SMYD3: variants seen among roughly 807,000 people sequenced by gnomAD.
SMYD3 encodes the protein histone-lysine N-methyltransferase SMYD3.
SMYD3 carries 36 observed loss-of-function variants against 57.7 expected under a neutral mutation model. That is an observed-to-expected ratio of 0.62 (90% CI 0.48 to 0.82). SMYD3 has a LOEUF of 0.82. Among genes scored for constraint, SMYD3 ranks in the 40% least tolerant of loss-of-function variants. The pLI, the probability that SMYD3 is intolerant of heterozygous loss-of-function variation, is 0.00. For missense variants in SMYD3, 515 were observed against 538.8 expected (o/e 0.96, Z 0.44); for synonymous variants, 211 against 195.0 (o/e 1.08, Z -0.68).
At chr1:246,155,329 C>G (rs2062006081) in intron 5 of SMYD3, among the ~76,000 whole-genome samples, 1 of 152,194 alleles carries the variant, frequency 6.6e-6, no homozygotes, top group African/African-American at 2.4e-5. Flanking sequence ...TTTCAGGACA[C>G]AGCCAAGAGA....
intron 2 of SMYD3, among the ~76,000 whole-genome samples, chr1:246,345,280 T>C (rs1285861925): frequency 2.6e-5 from 4 of 152,240 alleles, no homozygotes; most frequent in South Asian, 2.1e-4. Flanking sequence ...TTATTTTCCA[T>C]GTGCATATTA....
chr1:245,908,359 A>G (rs1404032007), intron 8 of SMYD3, among the ~76,000 whole-genome samples: 1 of 152,236 alleles, frequency 6.6e-6, no homozygotes, highest in Non-Finnish European at 1.5e-5. Flanking sequence ...CAAGACAAAT[A>G]TTATTAGGGC....
At chr1:246,292,852 T>C (rs1381385886) in intron 5 of SMYD3, among the ~76,000 whole-genome samples, 1 of 151,894 alleles carries the variant, frequency 6.6e-6, no homozygotes, top group Non-Finnish European at 1.5e-5. Context: ...TGGCAGACAC[T>C]GAAAAAACAT....
At chr1:246,500,250 C>CT (rs1232316840) in intron 1 of SMYD3, among the ~76,000 whole-genome samples, 1 of 152,210 alleles carries the variant, frequency 6.6e-6, no homozygotes, top group Non-Finnish European at 1.5e-5. Context: ...GGTATTTAGC[C>CT]TTTTTGGCTT....
chr1:246,352,273 T>C (rs4654243), intron 2 of SMYD3, among the ~76,000 whole-genome samples: 151,579 of 152,168 alleles, frequency 1, 75,497 homozygotes, highest in Middle Eastern at 1. Context: ...CTTGATGCCA[T>C]GGTCCCACAC....
intron 5 of SMYD3, among the ~76,000 whole-genome samples, chr1:246,205,450 G>A (rs1349953918): frequency 6.6e-6 from 1 of 152,166 alleles, no homozygotes; most frequent in Non-Finnish European, 1.5e-5. Flanking sequence ...CACAATATGA[G>A]GGACAGTGTT....
At chr1:246,247,503 C>CATATATATATATAT (rs150218563) in intron 5 of SMYD3, among the ~76,000 whole-genome samples, 9 of 144,184 alleles carry the variant, frequency 6.2e-5, no homozygotes, top group African/African-American at 1.8e-4. Context: ...ACATGGGACT[C>CATATATATATATAT]ATATATATAT....
chr1:246,171,220 A>T (rs1331011487), intron 5 of SMYD3, among the ~76,000 whole-genome samples: 1 of 152,220 alleles, frequency 6.6e-6, no homozygotes, highest in Non-Finnish European at 1.5e-5. Context: ...AGATAACTGA[A>T]AAAAAGGTAT....
chr1:246,226,362 T>C (rs1279579129), intron 5 of SMYD3, among the ~76,000 whole-genome samples: 3 of 152,198 alleles, frequency 2.0e-5, no homozygotes, highest in Non-Finnish European at 1.5e-5. Flanking sequence ...TAAATTTACA[T>C]AAAGACAAGT....
Position 246,345,930 on chromosome 1 carries a change from C to T in SMYD3, c.228+9101G>A, listed in dbSNP as rs184244585. On this transcript the variant is annotated intron_variant, in intron 2 of 11. Coordinates refer to ENST00000490107, the MANE Select transcript of SMYD3 (RefSeq NM_001167740.2). ...AACTAGCCAATCCTAAACTGAGAAA[C>T]ACCTATGAATGCCACAGTCCAGGGA... Among the ~76,000 whole-genome samples the T allele has an allele frequency of 4.6e-5, 7 of 152,278 alleles. No homozygotes were observed. The East Asian group carries it at 1.4e-3, about 29-fold the overall frequency.
chr1:245,862,365 A>T (rs576370718), intron 9 of SMYD3, among the ~76,000 whole-genome samples: 1 of 151,988 alleles, frequency 6.6e-6, no homozygotes, highest in Non-Finnish European at 1.5e-5. Context: ...AAAGCCCTAA[A>T]TTTTTTTCAC....
chr1:246,190,999 G>A (rs960692395), intron 5 of SMYD3, among the ~76,000 whole-genome samples: 3 of 152,214 alleles, frequency 2.0e-5, no homozygotes, highest in African/African-American at 4.8e-5. Flanking sequence ...GGCTGACACC[G>A]GGTTCAAGAC....
At chr1:245,862,833 G>A (rs979220055) in intron 9 of SMYD3, among the ~76,000 whole-genome samples, 24 of 152,172 alleles carry the variant, frequency 1.6e-4, no homozygotes, top group African/African-American at 5.5e-4. Context: ...GAGAAACCAG[G>A]CAGCACTGTG....
intron 10 of SMYD3, among the ~76,000 whole-genome samples, chr1:245,848,909 A>G (rs2050807930): frequency 6.6e-6 from 1 of 152,244 alleles, no homozygotes; most frequent in African/African-American, 2.4e-5. Context: ...TATATGAGCC[A>G]GAATGAAATA....
chr1:245,821,337 A>G (rs1427553099), intron 10 of SMYD3, among the ~76,000 whole-genome samples: 1 of 150,422 alleles, frequency 6.6e-6, no homozygotes, highest in Non-Finnish European at 1.5e-5. Flanking sequence ...AAAACTGGCT[A>G]GCCATATGTA....
intron 5 of SMYD3, among the ~76,000 whole-genome samples, chr1:246,010,986 G>A (rs538400465): frequency 5.3e-5 from 8 of 152,274 alleles, no homozygotes; most frequent in South Asian, 4.1e-4. Context: ...GTTTGAAGAC[G>A]GCTGAAGACG....
chr1:246,294,410 TG>T (rs2064754828), intron 5 of SMYD3, among the ~76,000 whole-genome samples: 1 of 152,246 alleles, frequency 6.6e-6, no homozygotes. Context: ...TACCATTGCC[TG>T]TAAGTGTTCA....
intron 10 of SMYD3, among the ~76,000 whole-genome samples, chr1:245,855,232 G>A (rs1362063638): frequency 5.9e-5 from 9 of 152,100 alleles, no homozygotes; most frequent in South Asian, 2.1e-4. Flanking sequence ...CTCTAGTTCC[G>A]AAAGAAAAGT....
chr1:245,831,897 T>C (rs1407193476), intron 10 of SMYD3, among the ~76,000 whole-genome samples: 1 of 152,204 alleles, frequency 6.6e-6, no homozygotes, highest in Admixed American at 6.5e-5. Flanking sequence ...GCGTTTTGAA[T>C]TGGAAACTTT....
Sources: allele counts gnomAD v4.1 joint callset (sites outside exome capture counted in the v4.1 genomes callset), GRCh38; gene constraint gnomAD v4.1.1; transcripts MANE v1.5; gene names NCBI Gene and HGNC (gene_info 2026-07-23, HGNC 2026-07-21).